The following PTPRE variants were observed in gnomAD, a reference collection of about 807,000 sequenced individuals.
PTPRE encodes the protein protein tyrosine phosphatase receptor type E.
Under a neutral mutation model 102.0 loss-of-function variants are expected in PTPRE, and 51 were observed. The observed-to-expected ratio is 0.50, with a 90% CI of 0.40 to 0.63. The LOEUF is 0.63. PTPRE is among the 30% of genes least tolerant of loss of function. The pLI, the probability that PTPRE is intolerant of heterozygous loss-of-function variation, is 0.00. For synonymous variants in PTPRE, 345 were observed against 348.2 expected, an observed-to-expected ratio of 0.99 and a Z score of 0.10; for missense variants, 752 against 915.1, an observed-to-expected ratio of 0.82 and a Z score of 2.30.
chr10:127,949,415 C>T (rs1848855757), intron 1 of PTPRE, among the ~76,000 whole-genome samples: 1 of 152,170 alleles, frequency 6.6e-6, no homozygotes, highest in African/African-American at 2.4e-5. Context: ...GGCTCTCTAA[C>T]CTGTTTAGAA....
Position 127,952,334 on chromosome 10 carries a change from C to T in PTPRE, c.-30-29940C>T, listed in dbSNP as rs575757935. 9.8e-5 allele frequency among the ~76,000 whole-genome samples: 11 copies of T among 112,454 alleles called. No individual in the cohort carries two copies. In the South Asian group the frequency reaches 3.4e-3, roughly 35 times the overall value. The allele number at this position is 112,454 out of a possible 152,430, so 73.8% of individuals were successfully genotyped here. ...CAATGCCTACTTGTTGTGCCCACCCCGCCCCCCCTAGCCCTTAGTTGCCCT... is the reference window on the plus strand; with the variant it reads ...CAATGCCTACTTGTTGTGCCCACCCTGCCCCCCCTAGCCCTTAGTTGCCCT... On this transcript the variant is annotated intron_variant, in intron 1 of 20. Coordinates refer to ENST00000254667, the MANE Select transcript of PTPRE (RefSeq NM_006504.6).
chr10:127,997,014 C>CA (rs1853335758), intron 2 of PTPRE, among the ~76,000 whole-genome samples: 1 of 151,468 alleles, frequency 6.6e-6, no homozygotes, highest in South Asian at 2.1e-4. Flanking sequence ...ACATGCAAAG[C>CA]AAAAAACAAA....
intron 1 of PTPRE, among the ~76,000 whole-genome samples, chr10:127,938,897 C>A (rs961430590): frequency 2.0e-5 from 3 of 152,082 alleles, no homozygotes; most frequent in Non-Finnish European, 4.4e-5. Context: ...GGGCGCTCTG[C>A]GTTGGAATCA....
At chr10:127,939,500 C>T (rs1848066403) in intron 1 of PTPRE, among the ~76,000 whole-genome samples, 1 of 152,010 alleles carries the variant, frequency 6.6e-6, no homozygotes, top group Non-Finnish European at 1.5e-5. Flanking sequence ...CTGTCGTTAG[C>T]AATTTGGGCA....
chr10:128,082,920 A>G lies in PTPRE; in HGVS notation c.*14A>G. The G allele has an allele frequency of 6.5e-7, 1 of 1,538,610 alleles. No individual in the cohort carries two copies. On this transcript the variant is annotated 3_prime_UTR_variant, in exon 21 of 21. Transcript: ENST00000254667. Reference sequence around the variant, plus strand: ...AATTTCAAATGAAGATTCCTGCCTTAAAATATTTTTTAATTTAATGGTCAG... The same window carrying G: ...AATTTCAAATGAAGATTCCTGCCTTGAAATATTTTTTAATTTAATGGTCAG...
chr10:128,012,701 C>A (rs1314093343), intron 2 of PTPRE, among the ~76,000 whole-genome samples: 3 of 152,184 alleles, frequency 2.0e-5, no homozygotes, highest in African/African-American at 7.2e-5. Context: ...TATTCAGCAC[C>A]TAGGACACCT....
At chr10:127,961,106 G>A (rs114170086) in intron 1 of PTPRE, among the ~76,000 whole-genome samples, 1,982 of 152,182 alleles carry the variant, frequency 0.013, 40 homozygotes, top group African/African-American at 0.046. Context: ...CCAAGGAACG[G>A]GCTTCTCTGG....
intron 3 of PTPRE, among the ~76,000 whole-genome samples, chr10:128,042,513 G>T (rs1370658990): frequency 6.6e-6 from 1 of 152,176 alleles, no homozygotes; most frequent in Non-Finnish European, 1.5e-5. Flanking sequence ...CTCTGCCAGG[G>T]CCTCTGCGTG....
intron 2 of PTPRE, among the ~76,000 whole-genome samples, chr10:127,995,368 GTCT>G (rs983810307): frequency 6.6e-6 from 1 of 152,178 alleles, no homozygotes; most frequent in African/African-American, 2.4e-5. Flanking sequence ...ATGCTACCTG[GTCT>G]TCTTGGTTTT....
At chr10:128,061,547 C>G (rs1849590763) in intron 8 of PTPRE, 132 bp from the exon 9 acceptor site, 1 of 1,124,336 alleles carries the variant, frequency 8.9e-7, no homozygotes, top group Non-Finnish European at 1.2e-6. Context: ...GTTTTCTTTC[C>G]TTCTTAACCT....
chr10:127,945,151 A>G (rs537384406), intron 1 of PTPRE, among the ~76,000 whole-genome samples: 13 of 152,330 alleles, frequency 8.5e-5, no homozygotes, highest in African/African-American at 3.1e-4. Context: ...AGCTTAGTGC[A>G]GTGCCCAGTA....
chr10:127,968,468 G>T (rs1350621422), intron 1 of PTPRE, among the ~76,000 whole-genome samples: 1 of 152,250 alleles, frequency 6.6e-6, no homozygotes, highest in Non-Finnish European at 1.5e-5. Context: ...CATCTGGCGA[G>T]TTCTGCCTCC....
chr10:127,955,182 T>A (rs931470186), intron 1 of PTPRE, among the ~76,000 whole-genome samples: 4 of 152,024 alleles, frequency 2.6e-5, no homozygotes, highest in African/African-American at 9.7e-5. Flanking sequence ...AACAAACCAA[T>A]CTAGGCAGGA....
intron 1 of PTPRE, among the ~76,000 whole-genome samples, chr10:127,912,022 G>A (rs139200227): frequency 3.3e-4 from 51 of 152,258 alleles, no homozygotes; most frequent in African/African-American, 1.2e-3. Flanking sequence ...GGGGTCGTTC[G>A]CTGCTGGATG....
chr10:127,948,908 A>G (rs907507393), intron 1 of PTPRE, among the ~76,000 whole-genome samples: 4 of 152,238 alleles, frequency 2.6e-5, no homozygotes, highest in African/African-American at 9.6e-5. Flanking sequence ...CTCAGTGTGC[A>G]TGGGCAACAT....
intron 1 of PTPRE, among the ~76,000 whole-genome samples, chr10:127,947,088 GAC>G (rs938942414): frequency 4.0e-5 from 6 of 150,982 alleles, no homozygotes; most frequent in Non-Finnish European, 7.4e-5. Context: ...AAATTGCATA[GAC>G]ACAGAGAAGG....
chr10:127,933,141 C>G (rs1019357432), intron 1 of PTPRE, among the ~76,000 whole-genome samples: 8 of 152,174 alleles, frequency 5.3e-5, no homozygotes, highest in Non-Finnish European at 1.2e-4. Context: ...AGCCGTTTAG[C>G]AAACATAATC....
intron 2 of PTPRE, among the ~76,000 whole-genome samples, chr10:128,001,095 C>T (rs889140277): frequency 2.0e-5 from 3 of 152,186 alleles, no homozygotes; most frequent in African/African-American, 7.2e-5. Flanking sequence ...AGAAACTAGG[C>T]TAAAACAACT....
Position 128,047,808 on chromosome 10 carries a change from A to T in PTPRE, c.254A>T (p.Lys85Met). 1.2e-6 allele frequency: 2 copies of T among 1,605,126 alleles called. No homozygotes were observed. The highest frequency in any genetic ancestry group is 8.5e-7 in the Non-Finnish European group (1 of 1,172,850). ...GCTGTGGTCAGCACCAGCGACAAGA[A>T]GATGCCCAACGGAATCTTGGAGGAG... ...RKAVVSTSDKKMPNGILEEQE... is the reference protein window; with the variant it reads ...RKAVVSTSDKMMPNGILEEQE... The change falls in exon 5 of 21, where the codon AAG becomes ATG. Residue 85 changes from lysine (K) to methionine (M), a missense_variant. This residue lies in a region of PTPRE where 636 missense variants were observed against 824.4 expected (regional missense o/e 0.77). Coordinates refer to ENST00000254667, the MANE Select transcript of PTPRE (RefSeq NM_006504.6).
Sources: gnomAD v4.1 joint callset for allele counts (sites outside exome capture counted in the v4.1 genomes callset) on GRCh38, gnomAD v4.1.1 for gene constraint, gnomAD v4.1.1 regional missense constraint, MANE v1.5 for transcripts, NCBI Gene and HGNC (gene_info 2026-07-23, HGNC 2026-07-21) for gene names.